The following MTUS1 variants were observed in gnomAD, a reference collection of about 807,000 sequenced individuals.
MTUS1 encodes the protein microtubule associated scaffold protein 1.
In MTUS1, 109 loss-of-function variants were observed where a neutral mutation model predicts 120.8. That is an observed-to-expected ratio of 0.90 (90% confidence interval 0.77 to 1.06). The LOEUF (loss-of-function observed/expected upper bound fraction) is 1.06, where lower values mean the gene tolerates loss of function less well. Ranked by LOEUF, MTUS1 falls within the 50% of genes least tolerant of loss-of-function variation. MTUS1 has a pLI of 0.00. For missense variants in MTUS1, 2,210 were observed against 1,486.3 expected, an observed-to-expected ratio of 1.49 and a Z score of -8.01; for synonymous variants, 737 against 550.5, an observed-to-expected ratio of 1.34 and a Z score of -4.74.
intron 1 of MTUS1, among the ~76,000 whole-genome samples, chr8:17,774,246 G>C (rs2050234530): frequency 6.6e-6 from 1 of 152,150 alleles, no homozygotes; most frequent in Non-Finnish European, 1.5e-5. Flanking sequence ...GCTACTACTA[G>C]TTTGGGAAAA....
At chr8:17,763,658 G>C (rs2049226885) in intron 1 of MTUS1, among the ~76,000 whole-genome samples, 1 of 152,148 alleles carries the variant, frequency 6.6e-6, no homozygotes, top group Non-Finnish European at 1.5e-5. Context: ...GAGGCACTAA[G>C]GCAACAGGAT....
At chr8:17,723,134 T>C (rs183689252) in intron 4 of MTUS1, 177 of 162,106 alleles carry the variant, frequency 1.1e-3, no homozygotes, top group East Asian at 5.3e-4. Flanking sequence ...AATGAGAAAA[T>C]AAGAACCAAG....
Position 17,647,012 on chromosome 8 carries a change from G to C in MTUS1, c.3569C>G (p.Ala1190Gly). 1.9e-6 allele frequency: 3 copies of C among 1,613,848 alleles called. No individual in the cohort carries two copies. The highest frequency in any genetic ancestry group is 2.5e-6 in the Non-Finnish European group (3 of 1,179,918). Residue 1190 changes from alanine to glycine, a missense_variant, in exon 14 of 15, where the codon GCT becomes GGT. Ala to Gly is a moderately conservative substitution (Grantham distance 60, BLOSUM62 0). Transcript: ENST00000693296. ...RFQQENEELK[A>G]RMDKHMAISR... ...GATTGCCATGTGCTTGTCCATCCGA[G>C]CTTTCAATTCTTCATTCTCCTGCTG...
intron 3 of MTUS1, among the ~76,000 whole-genome samples, chr8:17,735,979 T>A (rs968959240): frequency 1.3e-5 from 2 of 152,218 alleles, no homozygotes; most frequent in Non-Finnish European, 2.9e-5. Context: ...TGGAACGATT[T>A]GCTTAGACAC....
chr8:17,776,170 C>G (rs747257179), intron 1 of MTUS1, among the ~76,000 whole-genome samples: 4 of 152,084 alleles, frequency 2.6e-5, no homozygotes, highest in Non-Finnish European at 5.9e-5. Flanking sequence ...ACAAAATACA[C>G]TATAACATAA....
intron 6 of MTUS1, chr8:17,691,855 C>T (rs1817006295): frequency 6.6e-6 from 1 of 152,112 alleles, no homozygotes; most frequent in East Asian, 1.9e-4. Flanking sequence ...CATAAATGCG[C>T]TAATAACATA....
intron 3 of MTUS1, among the ~76,000 whole-genome samples, chr8:17,743,366 T>C (rs970063957): frequency 5.9e-5 from 9 of 152,200 alleles, no homozygotes; most frequent in Non-Finnish European, 7.3e-5. Flanking sequence ...TATGTACACA[T>C]CCTTCTGAAT....
chr8:17,799,469 G>C (rs1466831170), intron 1 of MTUS1, among the ~76,000 whole-genome samples: 1 of 151,954 alleles, frequency 6.6e-6, no homozygotes, highest in African/African-American at 2.4e-5. Context: ...GATTATCTTT[G>C]CTGAAATTGC....
intron 6 of MTUS1, among the ~76,000 whole-genome samples, chr8:17,696,892 C>A (rs148765558): frequency 6.6e-6 from 1 of 152,158 alleles, no homozygotes; most frequent in Non-Finnish European, 1.5e-5. Context: ...TCTACACAGG[C>A]GAACAGGAAA....
At chr8:17,710,384 A>G (rs1033035641) in intron 6 of MTUS1, among the ~76,000 whole-genome samples, 1 of 152,184 alleles carries the variant, frequency 6.6e-6, no homozygotes, top group Non-Finnish European at 1.5e-5. Context: ...TGTTCACATC[A>G]TCTTTACCAG....
At chr8:17,719,829 T>A (rs557577204) in intron 4 of MTUS1, among the ~76,000 whole-genome samples, 2 of 152,224 alleles carry the variant, frequency 1.3e-5, no homozygotes, top group Admixed American at 6.5e-5. Context: ...GTAAATAAGA[T>A]CCACCCTATT....
intron 4 of MTUS1, among the ~76,000 whole-genome samples, chr8:17,720,098 A>C (rs546493704): frequency 1.3e-5 from 2 of 152,276 alleles, no homozygotes; most frequent in East Asian, 3.9e-4. Flanking sequence ...TAATCCCAGC[A>C]CTCTGGGAGG....
At chr8:17,680,822 G>A (rs1419653211) in intron 7 of MTUS1, among the ~76,000 whole-genome samples, 1 of 152,292 alleles carries the variant, frequency 6.6e-6, no homozygotes, top group African/African-American at 2.4e-5. Context: ...TTCGGGGACT[G>A]AGCAGACACA....
chr8:17,682,720 A>G (rs959136606), intron 7 of MTUS1, among the ~76,000 whole-genome samples: 2 of 152,104 alleles, frequency 1.3e-5, no homozygotes, highest in African/African-American at 4.8e-5. Context: ...TAGGCTAGAT[A>G]TAATAAAATA....
intron 8 of MTUS1, among the ~76,000 whole-genome samples, chr8:17,660,077 A>G (rs1181161041): frequency 1.3e-5 from 2 of 152,102 alleles, no homozygotes; most frequent in Admixed American, 6.5e-5. Flanking sequence ...AAGGCTCAAT[A>G]TTATTCCATT....
At chr8:17,789,277 C>A (rs535577752) in intron 1 of MTUS1, among the ~76,000 whole-genome samples, 2 of 152,074 alleles carry the variant, frequency 1.3e-5, no homozygotes. Context: ...GTGATCTGCC[C>A]GCCTTGGCCT....
At chr8:17,784,561 T>C (rs1455081329) in intron 1 of MTUS1, among the ~76,000 whole-genome samples, 4 of 151,372 alleles carry the variant, frequency 2.6e-5, no homozygotes, top group Admixed American at 6.6e-5. Flanking sequence ...TCCCAAAGTA[T>C]TGGGATTACA....
At chr8:17,756,363 C>T (rs1490134693) in intron 1 of MTUS1, among the ~76,000 whole-genome samples, 1 of 152,116 alleles carries the variant, frequency 6.6e-6, no homozygotes, top group Non-Finnish European at 1.5e-5. Flanking sequence ...TCTGTTGTCC[C>T]AGGATGATTA....
chr8:17,658,024 G>GACAC (rs58132896), intron 8 of MTUS1, among the ~76,000 whole-genome samples: 2,826 of 140,466 alleles, frequency 0.02, 74 homozygotes, highest in African/African-American at 0.056. Flanking sequence ...TATATATATA[G>GACAC]ACACACACAC....
Sources: gnomAD v4.1 joint callset for allele counts (sites outside exome capture counted in the v4.1 genomes callset) on GRCh38, gnomAD v4.1.1 for gene constraint, MANE v1.5 for transcripts, NCBI Gene and HGNC (gene_info 2026-07-23, HGNC 2026-07-21) for gene names.